PSMD14: variants seen among roughly 807,000 people sequenced by gnomAD.
PSMD14 encodes ubiquitin C-terminal hydrolase PSMD14.
Under a neutral mutation model 41.2 loss-of-function variants are expected in PSMD14, and 7 were observed. The ratio of observed to expected loss-of-function variants is 0.17; its 90% confidence interval spans 0.10 to 0.32. PSMD14 has a LOEUF of 0.32. Among genes scored for constraint, PSMD14 ranks in the 10% least tolerant of loss-of-function variants. The pLI, the probability that PSMD14 is intolerant of heterozygous loss-of-function variation, is 1.00. For missense variants in PSMD14, 139 were observed against 375.6 expected, an observed-to-expected ratio of 0.37 and a Z score of 5.21; for synonymous variants, 114 against 122.3, an observed-to-expected ratio of 0.93 and a Z score of 0.45.
At chr2:161,381,693 AT>A (rs1469560055) in intron 7 of PSMD14, 1 of 151,920 alleles carries the variant, frequency 6.6e-6, no homozygotes, top group Non-Finnish European at 1.5e-5. Flanking sequence ...AAGCCAAAAA[AT>A]TATGGTTTAA....
rs974585432 is a variant in PSMD14 at position 161,371,446 on chromosome 2, TAAAA to T, written c.462+127_462+130del. On this transcript the variant is annotated intron_variant, in intron 7 of 11. Transcript: ENST00000409682. ...CACAGAAAGCTGCTGTCTGTTTACTTAAAAAACAAAAAAACTGTACAAGTTGATA... is the reference window on the plus strand; with the variant it reads ...CACAGAAAGCTGCTGTCTGTTTACTTAACAAAAAAACTGTACAAGTTGATA... 2.6e-4 allele frequency: 256 copies of T among 968,592 alleles called. No individual in the cohort carries two copies. In the African/African-American group the frequency reaches 3.9e-3, roughly 15 times the overall value. 60.0% of individuals were successfully genotyped at this position (968,592 alleles called of 1,614,324 possible). A position where few individuals can be genotyped will look rare whatever the true frequency, so the allele number is the denominator to read the frequency against.
At chr2:161,403,831 C>T (rs575161978) in intron 10 of PSMD14, among the ~76,000 whole-genome samples, 1 of 152,098 alleles carries the variant, frequency 6.6e-6, no homozygotes, top group Non-Finnish European at 1.5e-5. Flanking sequence ...TTGAGACCCT[C>T]ACCATACCAC....
At position 161,335,582 on chromosome 2, in the gene PSMD14, C is replaced by T. The variant is rs1354139665; in HGVS notation, c.48+16709C>T. 2.0e-5 allele frequency among the ~76,000 whole-genome samples: 3 copies of T among 152,156 alleles called. No homozygotes were observed. In the East Asian group the frequency reaches 5.8e-4, roughly 29 times the overall value. The stretch of plus-strand genomic sequence containing the variant: ...TTTTCTTAAAGGATGGCTTGCTTTC[C>T]CATTTTTTTAGACAAACCATGATTT... On this transcript the variant is annotated intron_variant, in intron 3 of 11. Coordinates refer to ENST00000409682, the MANE Select transcript of PSMD14 (RefSeq NM_005805.6).
chr2:161,359,574 T>G (rs1314506830), intron 3 of PSMD14, among the ~76,000 whole-genome samples: 1 of 152,138 alleles, frequency 6.6e-6, no homozygotes, highest in Non-Finnish European at 1.5e-5. Flanking sequence ...TATAGTGCAT[T>G]TTGCTCTCTA....
chr2:161,356,061 A>AT (rs955390311), intron 3 of PSMD14, among the ~76,000 whole-genome samples: 35 of 151,350 alleles, frequency 2.3e-4, no homozygotes, highest in Non-Finnish European at 4.4e-4. Context: ...TTTTTGGAAC[A>AT]TTTTTTTTTA....
intron 10 of PSMD14, among the ~76,000 whole-genome samples, chr2:161,402,500 G>A (rs1227399533): frequency 1.3e-5 from 2 of 152,030 alleles, no homozygotes; most frequent in Non-Finnish European, 2.9e-5. Context: ...AATTAGCTGG[G>A]TGTGGTGGCA....
intron 9 of PSMD14, among the ~76,000 whole-genome samples, chr2:161,392,901 G>A (rs1371059693): frequency 6.6e-6 from 1 of 152,088 alleles, no homozygotes; most frequent in Non-Finnish European, 1.5e-5. Context: ...CCATCTATTT[G>A]GAAATGTCTA....
At chr2:161,341,496 TTC>T (rs947856222) in intron 3 of PSMD14, among the ~76,000 whole-genome samples, 2 of 152,042 alleles carry the variant, frequency 1.3e-5, no homozygotes, top group African/African-American at 4.8e-5. Flanking sequence ...TCTTTTTATC[TTC>T]TTAACACTTT....
At chr2:161,309,329 G>A (rs1689062060) in intron 1 of PSMD14, among the ~76,000 whole-genome samples, 1 of 152,086 alleles carries the variant, frequency 6.6e-6, no homozygotes, top group Admixed American at 6.5e-5. Flanking sequence ...TAAACCTAGT[G>A]ACTGAAGGAA....
chr2:161,329,197 A>G (rs1236328404), intron 3 of PSMD14, among the ~76,000 whole-genome samples: 1 of 152,144 alleles, frequency 6.6e-6, no homozygotes, highest in Non-Finnish European at 1.5e-5. Context: ...CACTCTGAAG[A>G]TGAAGCTACC....
chr2:161,340,269 T>C (rs1682931329), intron 3 of PSMD14, among the ~76,000 whole-genome samples: 1 of 152,098 alleles, frequency 6.6e-6, no homozygotes, highest in African/African-American at 2.4e-5. Context: ...ATATGGCATC[T>C]CACCCCCGAC....
At chr2:161,354,919 A>G (rs1419451496) in intron 3 of PSMD14, among the ~76,000 whole-genome samples, 2 of 152,178 alleles carry the variant, frequency 1.3e-5, no homozygotes, top group Admixed American at 6.6e-5. Flanking sequence ...TATTCTCAAA[A>G]TACTGGCTGT....
At chr2:161,408,738 T>C in intron 10 of PSMD14, 99 bp from the exon 11 acceptor site, 2 of 816,422 alleles carry the variant, frequency 2.4e-6, no homozygotes, top group Non-Finnish European at 3.9e-6. Context: ...AAAAGTTGTA[T>C]GAATGAAAAT....
chr2:161,322,907 CT>C (rs1365592012), intron 3 of PSMD14, among the ~76,000 whole-genome samples: 1 of 152,108 alleles, frequency 6.6e-6, no homozygotes, highest in Non-Finnish European at 1.5e-5. Flanking sequence ...TAGGAGGTGA[CT>C]TTTCTCTTTT....
chr2:161,400,922 A>C (rs1284135469), intron 10 of PSMD14, among the ~76,000 whole-genome samples: 1 of 152,218 alleles, frequency 6.6e-6, no homozygotes, highest in Non-Finnish European at 1.5e-5. Flanking sequence ...CTGTTTTATC[A>C]TTTGCTACCA....
chr2:161,317,494 G>GT (rs1689159590), intron 2 of PSMD14, among the ~76,000 whole-genome samples: 1 of 152,144 alleles, frequency 6.6e-6, no homozygotes, highest in African/African-American at 2.4e-5. Flanking sequence ...CTTGGGTGGC[G>GT]TTTCTGAGGT....
intron 10 of PSMD14, among the ~76,000 whole-genome samples, chr2:161,400,537 A>G (rs561502363): frequency 3.3e-5 from 5 of 152,296 alleles, no homozygotes; most frequent in Admixed American, 3.3e-4. Flanking sequence ...CTCAAACTGC[A>G]TAGCCCAGAA....
Position 161,367,518 on chromosome 2 carries a change from A to G in PSMD14, c.89A>G (p.Gln30Arg). 1 of 1,602,840 alleles carries G rather than the reference A, an allele frequency of 6.2e-7. No homozygotes were observed. The highest frequency in any genetic ancestry group is 8.5e-7 in the Non-Finnish European group (1 of 1,174,134). Residue 30 changes from glutamine to arginine, a missense_variant, in exon 4 of 12, where the codon CAA becomes CGA. Transcript: ENST00000409682. ...GCTCCTGCAGTGGACACAGCAGAAC[A>G]AGTCTATATCTCTTCCCTGGCACTG... ...TDAPAVDTAE[Q>R]VYISSLALLK...
intron 3 of PSMD14, among the ~76,000 whole-genome samples, chr2:161,331,479 C>T (rs977074093): frequency 5.9e-5 from 9 of 152,018 alleles, no homozygotes; most frequent in Admixed American, 4.6e-4. Flanking sequence ...AGGCTGGTCT[C>T]GAACTCCTGA....
Sources: allele counts gnomAD v4.1 joint callset (sites outside exome capture counted in the v4.1 genomes callset), GRCh38; gene constraint gnomAD v4.1.1; transcripts MANE v1.5; gene names NCBI Gene and HGNC (gene_info 2026-07-23, HGNC 2026-07-21).